The following FBXO39 variants were observed in gnomAD, a reference collection of about 807,000 sequenced individuals.
FBXO39 encodes the protein F-box protein 39, also known as F-box only protein 39.
FBXO39 carries 22 observed loss-of-function variants against 36.6 expected under a neutral mutation model. The observed-to-expected ratio is 0.60, with a 90% confidence interval of 0.43 to 0.86. The LOEUF (loss-of-function observed/expected upper bound fraction) is 0.86, where lower values mean the gene tolerates loss of function less well. FBXO39 is among the 40% of genes least tolerant of loss of function. The pLI, the probability that FBXO39 is intolerant of heterozygous loss-of-function variation, is 0.00. For synonymous variants in FBXO39, 206 were observed against 205.8 expected (o/e 1.00, Z -0.01); for missense variants, 536 against 543.9 (o/e 0.99, Z 0.14).
In FBXO39 at chr17:6,787,380, G is replaced by C; in HGVS notation, c.1281G>C (p.Leu427=). The change falls in exon 4 of 4, where the codon CTG becomes CTC. Residue 427 remains leucine, a synonymous_variant. Transcript: ENST00000321535. Reference sequence around the variant, plus strand: ...AAATTTACAGGAAGTACAGAAAGCTGATCGAATCAGAGCTTAGCTATTTTG... The same window carrying C: ...AAATTTACAGGAAGTACAGAAAGCTCATCGAATCAGAGCTTAGCTATTTTG... ...LQEIYRKYRK[L]IESELSYFVI... is the part of the protein sequence containing the mutation. 6.2e-7 allele frequency: 1 copy of C among 1,614,072 alleles called. No individual in the cohort carries two copies. The highest frequency in any genetic ancestry group is 8.5e-7 in the Non-Finnish European group (1 of 1,179,974).
chr17:6,779,720 G>A, intron 1 of FBXO39, 69 bp from the exon 2 acceptor site: 1 of 830,628 alleles, frequency 1.2e-6, no homozygotes, highest in Admixed American at 2.7e-5. Context: ...GGGACCACAG[G>A]GAAAGCTGGT....
intron 2 of FBXO39, among the ~76,000 whole-genome samples, chr17:6,782,551 C>T (rs1015028038): frequency 1.3e-5 from 2 of 152,014 alleles, no homozygotes; most frequent in African/African-American, 4.8e-5. Context: ...TATAAAGACA[C>T]ACATAGACTG....
intron 2 of FBXO39, among the ~76,000 whole-genome samples, chr17:6,783,534 C>T (rs1384439565): frequency 1.3e-5 from 2 of 151,592 alleles, no homozygotes; most frequent in African/African-American, 4.8e-5. Flanking sequence ...TGAGAGAAGA[C>T]CCAAATAAAT....
At chr17:6,778,332 T>C (rs1195714186) in intron 1 of FBXO39, among the ~76,000 whole-genome samples, 2 of 151,430 alleles carry the variant, frequency 1.3e-5, no homozygotes, top group Non-Finnish European at 2.9e-5. Context: ...TAGAGAGGGG[T>C]CTTGCACAGA....
At chr17:6,779,131 A>G (rs1369977465) in intron 1 of FBXO39, among the ~76,000 whole-genome samples, 1 of 152,130 alleles carries the variant, frequency 6.6e-6, no homozygotes, top group Non-Finnish European at 1.5e-5. Context: ...GGGACAGGCC[A>G]TGTCAGAATT....
At chr17:6,784,166 A>G (rs1461273651) in intron 2 of FBXO39, among the ~76,000 whole-genome samples, 1 of 152,176 alleles carries the variant, frequency 6.6e-6, no homozygotes, top group Non-Finnish European at 1.5e-5. Context: ...CAAAAAGCAT[A>G]TGATTATTTT....
chr17:6,783,146 T>A (rs1976529144), intron 2 of FBXO39, among the ~76,000 whole-genome samples: 1 of 152,106 alleles, frequency 6.6e-6, no homozygotes, highest in South Asian at 2.1e-4. Context: ...ACATGGAAAT[T>A]AAACAATATG....
chr17:6,776,934 G>A (rs1438854115), intron 1 of FBXO39, among the ~76,000 whole-genome samples: 1 of 151,888 alleles, frequency 6.6e-6, no homozygotes, highest in Non-Finnish European at 1.5e-5. Context: ...GGGGGGTAAG[G>A]GGAGGCTCCC....
chr17:6,780,091 G>T lies in FBXO39; in HGVS notation c.223G>T (p.Val75Phe), dbSNP rs199871206. ...GRPSRVHASE[V>F]ESAVWYVKKF... ...ACCTTCCAGGGTACATGCATCTGAA[G>T]TTGAGTCAGCTGTTTGGTATGTTAA... The change falls in exon 2 of 4, where the codon GTT becomes TTT. Residue 75 changes from valine (V) to phenylalanine (F), a missense_variant. Coordinates refer to ENST00000321535, the MANE Select transcript of FBXO39 (RefSeq NM_153230.3). 6.2e-6 allele frequency: 10 copies of T among 1,614,238 alleles called. No individual in the cohort carries two copies. The African/African-American group carries it at 1.2e-4, about 19-fold the overall frequency.
At position 6,780,510 on chromosome 17, in the gene FBXO39, C is replaced by T. The variant is rs756365328; in HGVS notation, c.642C>T (p.Pro214=). 9 of 1,614,114 alleles carry T rather than the reference C, an allele frequency of 5.6e-6. No individual in the cohort carries two copies. The highest frequency in any genetic ancestry group is 5.5e-5 in the South Asian group (5 of 91,074). Reference sequence around the variant, plus strand: ...ATCACCTTGCTGTCTACAACAGCCCCCAGTTCAAAAAGACCATGTCCACAT... The same window carrying T: ...ATCACCTTGCTGTCTACAACAGCCCTCAGTTCAAAAAGACCATGTCCACAT... The part of the protein sequence containing the change: ...FSHHLAVYNS[P]QFKKTMSTFH... Residue 214 remains proline (P), a synonymous_variant, in exon 2 of 4, where the codon CCC becomes CCT. Coordinates refer to ENST00000321535, the MANE Select transcript of FBXO39 (RefSeq NM_153230.3).
intron 2 of FBXO39, among the ~76,000 whole-genome samples, chr17:6,783,674 C>T (rs1379888041): frequency 6.6e-6 from 1 of 152,054 alleles, no homozygotes; most frequent in Admixed American, 6.6e-5. Context: ...AATTCCTACA[C>T]ACGTACAAAC....
rs1230885135 is a variant in FBXO39, at chr17:6,787,469, C to T, written c.*41C>T. The T allele has an allele frequency of 3.1e-6, 5 of 1,608,894 alleles. No homozygotes were observed. Among genetic ancestry groups the T allele is most frequent in the Middle Eastern group, 3.3e-4 (2 of 6,034 alleles). On this transcript the variant is annotated 3_prime_UTR_variant, in exon 4 of 4. Coordinates refer to ENST00000321535, the MANE Select transcript of FBXO39 (RefSeq NM_153230.3). Reference sequence around the variant, plus strand: ...TGAAGAAAGCTGGGAGCACTTTGAACTTGAAAATCATTTCTCTTAGAACTA... The same window carrying T: ...TGAAGAAAGCTGGGAGCACTTTGAATTTGAAAATCATTTCTCTTAGAACTA...
chr17:6,776,531 G>A (rs1300468392), intron 1 of FBXO39, among the ~76,000 whole-genome samples: 1 of 152,128 alleles, frequency 6.6e-6, no homozygotes, highest in Non-Finnish European at 1.5e-5. Flanking sequence ...CCAACCCTGG[G>A]TTCGAATCCT....
At chr17:6,777,042 T>C (rs920238384) in intron 1 of FBXO39, among the ~76,000 whole-genome samples, 1 of 152,140 alleles carries the variant, frequency 6.6e-6, no homozygotes, top group Non-Finnish European at 1.5e-5. Context: ...TGATGACTTT[T>C]CCTGACCTAC....
Position 6,787,525 on chromosome 17 carries a change from C to G in FBXO39, c.*97C>G. On this transcript the variant is annotated 3_prime_UTR_variant, in exon 4 of 4. Coordinates refer to ENST00000321535, the MANE Select transcript of FBXO39 (RefSeq NM_153230.3). ...GGGCACTGCCGGCCCTTTTGCTCCT[C>G]TCTCTCCCCTCCACTTTTTTTTTTT... 1 of 1,431,852 alleles carries G rather than the reference C, an allele frequency of 7.0e-7. No individual in the cohort carries two copies. 88.7% of individuals were successfully genotyped at this position (1,431,852 alleles called of 1,614,324 possible).
At chr17:6,781,688 G>A (rs1019766539) in intron 2 of FBXO39, among the ~76,000 whole-genome samples, 1 of 152,136 alleles carries the variant, frequency 6.6e-6, no homozygotes, top group Non-Finnish European at 1.5e-5. Context: ...CGAGCACCTT[G>A]TATACTCCAA....
In FBXO39 at chr17:6,779,884, G is replaced by A. The variant is rs1976482488; in HGVS notation, c.16G>A (p.Glu6Lys). The A allele has an allele frequency of 1.2e-6, 2 of 1,614,028 alleles. No individual in the cohort carries two copies. The highest frequency in any genetic ancestry group is 1.1e-5 in the South Asian group (1 of 91,076). The change falls in exon 2 of 4, where the codon GAA becomes AAA. Residue 6 changes from glutamate (E) to lysine (K), a missense_variant. Glu to Lys is a moderately conservative substitution (Grantham distance 56). Coordinates refer to ENST00000321535, the MANE Select transcript of FBXO39 (RefSeq NM_153230.3). MDEES[E>K]LIQPQDQSCW... is the part of the protein sequence containing the mutation. ...CAGTTCCTGGATGGACGAAGAAAGT[G>A]AACTGATCCAGCCCCAAGACCAGAG...
At chr17:6,784,972 C>A (rs1976553255) in intron 2 of FBXO39, among the ~76,000 whole-genome samples, 1 of 139,544 alleles carries the variant, frequency 7.2e-6, no homozygotes, top group Non-Finnish European at 1.5e-5. Context: ...TATATGGAAC[C>A]ACAAAAGATG....
At chr17:6,781,039 G>C in intron 2 of FBXO39, 148 bp downstream of exon 2, 1 of 823,102 alleles carries the variant, frequency 1.2e-6, no homozygotes, top group Non-Finnish European at 1.9e-6. Flanking sequence ...TAAGCCTCCT[G>C]CCCTCCTCCC....
Sources: allele counts gnomAD v4.1 joint callset (sites outside exome capture counted in the v4.1 genomes callset), GRCh38; gene constraint gnomAD v4.1.1; transcripts MANE v1.5; gene names NCBI Gene and HGNC (gene_info 2026-07-23, HGNC 2026-07-21).